SLC12A6: variants seen among roughly 807,000 people sequenced by gnomAD.
SLC12A6 encodes solute carrier family 12 member 6.
SLC12A6 carries 66 observed loss-of-function variants against 135.3 expected under a neutral mutation model. The ratio of observed to expected loss-of-function variants is 0.49; its 90% CI spans 0.40 to 0.60. The LOEUF (loss-of-function observed/expected upper bound fraction) is 0.60. Among genes scored for constraint, SLC12A6 ranks in the 20% least tolerant of loss-of-function variants. The pLI is 0.00. For synonymous variants in SLC12A6, 513 were observed against 508.8 expected, an observed-to-expected ratio of 1.01 and a Z score of -0.11; for missense variants, 1,058 against 1,452.3, an observed-to-expected ratio of 0.73 and a Z score of 4.41.
intron 22 of SLC12A6, 115 bp from the exon 23 acceptor site, chr15:34,236,930 C>G: frequency 1.4e-6 from 1 of 712,278 alleles, no homozygotes; most frequent in Admixed American, 2.0e-5. Flanking sequence ...CTATATTAAC[C>G]TAAGCTTCAC....
chr15:34,278,197 C>T (rs1213415331), intron 2 of SLC12A6, among the ~76,000 whole-genome samples: 1 of 152,048 alleles, frequency 6.6e-6, no homozygotes, highest in Non-Finnish European at 1.5e-5. Flanking sequence ...GAGGCCGAGG[C>T]GGGTGGATCA....
rs2140726382 is a variant in SLC12A6 at position 34,250,650 on chromosome 15, G to A, written c.1572C>T (p.Ile524=). 4.4e-6 allele frequency: 7 copies of A among 1,587,932 alleles called. No individual in the cohort carries two copies. Among genetic ancestry groups the A allele is most frequent in the South Asian group, 3.3e-5 (3 of 90,482 alleles). The change falls in exon 12 of 26, where the codon ATC becomes ATT. Residue 524 remains isoleucine (I), a synonymous_variant. Transcript: ENST00000354181. ...KSIPIGTILA[I]LTTSFVYLSN... ...GGATACAAACAAAGGAGGTGGTCAG[G>A]ATGGCAAGGATAGTACCAATCGGAA...
At chr15:34,239,602 T>A (rs1452196266) in intron 19 of SLC12A6, among the ~76,000 whole-genome samples, 2 of 152,220 alleles carry the variant, frequency 1.3e-5, no homozygotes, top group Non-Finnish European at 2.9e-5. Context: ...ACTTTAGAAT[T>A]TTCTCAGGTA....
intron 2 of SLC12A6, among the ~76,000 whole-genome samples, chr15:34,309,198 G>C (rs547855748): frequency 3.3e-5 from 5 of 152,202 alleles, no homozygotes; most frequent in Non-Finnish European, 7.4e-5. Flanking sequence ...TCCTCTTTCA[G>C]CCTGGCCAAA....
At chr15:34,271,374 C>T (rs1483254081) in intron 3 of SLC12A6, among the ~76,000 whole-genome samples, 1 of 144,420 alleles carries the variant, frequency 6.9e-6, no homozygotes, top group Admixed American at 7.0e-5. Context: ...TTGGCCTATA[C>T]TTTTTTTTTT....
At chr15:34,248,422 C>A (rs1566809667) in intron 13 of SLC12A6, among the ~76,000 whole-genome samples, 1 of 151,886 alleles carries the variant, frequency 6.6e-6, no homozygotes, top group African/African-American at 2.4e-5. Flanking sequence ...GAGATAATAA[C>A]CAATAATTTT....
At chr15:34,266,985 A>C (rs75362589) in intron 3 of SLC12A6, among the ~76,000 whole-genome samples, 2 of 151,768 alleles carry the variant, frequency 1.3e-5, no homozygotes, top group Non-Finnish European at 1.5e-5. Context: ...CTCATCCTCT[A>C]TCTCTCCCAC....
chr15:34,297,319 A>G (rs1233659932), intron 2 of SLC12A6, among the ~76,000 whole-genome samples: 1 of 152,188 alleles, frequency 6.6e-6, no homozygotes, highest in Non-Finnish European at 1.5e-5. Flanking sequence ...CCATAAAAGC[A>G]GTGACTCAAT....
chr15:34,302,312 AAAG>A (rs1402762390), intron 2 of SLC12A6, among the ~76,000 whole-genome samples: 4 of 152,168 alleles, frequency 2.6e-5, no homozygotes, highest in African/African-American at 9.6e-5. Context: ...CACAGTTAAA[AAAG>A]AAGAAAAAAA....
chr15:34,289,543 C>G (rs1231358097), intron 2 of SLC12A6, among the ~76,000 whole-genome samples: 2 of 152,186 alleles, frequency 1.3e-5, no homozygotes, highest in Non-Finnish European at 2.9e-5. Flanking sequence ...GGAATAGTTT[C>G]AGAAGGAATG....
At chr15:34,315,896 G>A (rs1888613905) in intron 2 of SLC12A6, among the ~76,000 whole-genome samples, 1 of 151,984 alleles carries the variant, frequency 6.6e-6, no homozygotes, top group African/African-American at 2.4e-5. Context: ...CAGAGATCAC[G>A]CCACTGCACT....
intron 2 of SLC12A6, among the ~76,000 whole-genome samples, chr15:34,292,403 G>A (rs568591391): frequency 2.1e-4 from 32 of 151,870 alleles, no homozygotes; most frequent in Non-Finnish European, 3.4e-4. Context: ...GGTGTCTGTC[G>A]GCCCCTACTG....
At chr15:34,238,522 G>C in intron 20 of SLC12A6, 121 bp from the exon 21 acceptor site, 5 of 768,134 alleles carry the variant, frequency 6.5e-6, no homozygotes, top group Non-Finnish European at 1.1e-5. Context: ...TATTTACTTA[G>C]TAGGTTATTT....
chr15:34,309,640 G>C (rs1888008211), intron 2 of SLC12A6, among the ~76,000 whole-genome samples: 1 of 151,992 alleles, frequency 6.6e-6, no homozygotes, highest in African/African-American at 2.4e-5. Flanking sequence ...GTAAAAATCT[G>C]AAAGGAATCA....
intron 2 of SLC12A6, among the ~76,000 whole-genome samples, chr15:34,305,203 G>T (rs1896519237): frequency 6.6e-6 from 1 of 152,082 alleles, no homozygotes; most frequent in African/African-American, 2.4e-5. Context: ...ATATCCCTAT[G>T]TATGTGTTTT....
In SLC12A6 at chr15:34,255,906, C is replaced by T. The variant is rs150805885; in HGVS notation, c.745+323G>A. On this transcript the variant is annotated intron_variant, in intron 7 of 25. Coordinates refer to ENST00000354181, the MANE Select transcript of SLC12A6 (RefSeq NM_001365088.1). ...GCAGCTTGAGCCTAGGAGTTGGAGG[C>T]TGTGTGAGCTATGATCGTGTCACTG... Among the ~76,000 whole-genome samples the T allele has an allele frequency of 2.4e-3, 368 of 152,050 alleles. 1 individual carries two copies. Among genetic ancestry groups the T allele is most frequent in the African/African-American group, 8.7e-3 (359 of 41,442 alleles).
chr15:34,325,642 T>C (rs949812477), intron 2 of SLC12A6, among the ~76,000 whole-genome samples: 1 of 152,156 alleles, frequency 6.6e-6, no homozygotes, highest in Non-Finnish European at 1.5e-5. Context: ...TATAAATATA[T>C]AAAAGACATT....
chr15:34,319,702 C>A (rs1050162738), intron 2 of SLC12A6, among the ~76,000 whole-genome samples: 3 of 151,298 alleles, frequency 2.0e-5, no homozygotes, highest in African/African-American at 7.3e-5. Flanking sequence ...AGGAAGCTGA[C>A]ACAGGAGAAT....
intron 3 of SLC12A6, among the ~76,000 whole-genome samples, chr15:34,270,514 G>C (rs1893841346): frequency 6.6e-6 from 1 of 152,124 alleles, no homozygotes; most frequent in African/African-American, 2.4e-5. Flanking sequence ...ATAAAGAAAA[G>C]AGGTTTGGCT....
Sources: allele counts gnomAD v4.1 joint callset (sites outside exome capture counted in the v4.1 genomes callset), GRCh38; gene constraint gnomAD v4.1.1; transcripts MANE v1.5; gene names NCBI Gene and HGNC (gene_info 2026-07-23, HGNC 2026-07-21).